Variants in PIAS2 observed in about 807,000 individuals in gnomAD.
PIAS2 encodes the protein E3 SUMO-protein ligase PIAS2.
Under a neutral mutation model 69.7 loss-of-function variants are expected in PIAS2, and 19 were observed. The ratio of observed to expected loss-of-function variants is 0.27; its 90% confidence interval spans 0.19 to 0.40. PIAS2 has a LOEUF of 0.40. PIAS2 is among the 10% of genes least tolerant of loss of function. The pLI, the probability that PIAS2 is intolerant of heterozygous loss-of-function variation, is 1.00. For synonymous variants in PIAS2, 261 were observed against 263.2 expected (o/e 0.99, Z 0.08); for missense variants, 624 against 757.0 (o/e 0.82, Z 2.06).
intron 12 of PIAS2, 38 bp downstream of exon 12, chr18:46,820,895 T>G (rs1463824034): frequency 6.4e-7 from 1 of 1,571,166 alleles, no homozygotes; most frequent in Non-Finnish European, 8.6e-7. Flanking sequence ...AAATAAACTT[T>G]CATTAAAAAA....
At chr18:46,896,165 C>CAAAAAAAAAAAAAAAAAAAAATA (rs1199712335) in intron 1 of PIAS2, among the ~76,000 whole-genome samples, 2 of 31,952 alleles carry the variant, frequency 6.3e-5, no homozygotes, top group Non-Finnish European at 1.2e-4. Flanking sequence ...AAGAAAAAAG[C>CAAAAAAAAAAAAAAAAAAAAATA]AAAAAAAAAA....
chr18:46,865,196 T>C (rs72909181), intron 2 of PIAS2, among the ~76,000 whole-genome samples: 1 of 152,132 alleles, frequency 6.6e-6, no homozygotes, highest in Non-Finnish European at 1.5e-5. Context: ...TTAATATATA[T>C]AGAGGCCTCA....
At chr18:46,908,745 A>G (rs996998030) in intron 1 of PIAS2, among the ~76,000 whole-genome samples, 1 of 152,220 alleles carries the variant, frequency 6.6e-6, no homozygotes, top group African/African-American at 2.4e-5. Flanking sequence ...GCAGTTGCTC[A>G]TGCCTATAAT....
At chr18:46,834,229 T>C (rs998838201) in intron 9 of PIAS2, among the ~76,000 whole-genome samples, 7 of 151,938 alleles carry the variant, frequency 4.6e-5, no homozygotes, top group Non-Finnish European at 1.0e-4. Context: ...TCTACAACTT[T>C]CTAAACACTT....
intron 5 of PIAS2, among the ~76,000 whole-genome samples, chr18:46,854,201 C>A (rs1005150246): frequency 3.3e-5 from 5 of 152,208 alleles, no homozygotes; most frequent in African/African-American, 4.8e-5. Flanking sequence ...CAATTCTTAG[C>A]ACTTGGCTCT....
intron 2 of PIAS2, among the ~76,000 whole-genome samples, chr18:46,867,965 G>T (rs1237447928): frequency 6.6e-6 from 1 of 152,182 alleles, no homozygotes; most frequent in Non-Finnish European, 1.5e-5. Flanking sequence ...TAGACCACAT[G>T]AAGAAGCCAC....
At chr18:46,816,830 A>G (rs1177824280) in intron 12 of PIAS2, 3 of 984,048 alleles carry the variant, frequency 3.0e-6, no homozygotes, top group Non-Finnish European at 3.6e-6. Flanking sequence ...TTGAGCCAAT[A>G]CTAAACCAAA....
chr18:46,889,196 A>G (rs1345132926), intron 2 of PIAS2, among the ~76,000 whole-genome samples: 1 of 152,240 alleles, frequency 6.6e-6, no homozygotes, highest in Non-Finnish European at 1.5e-5. Context: ...TGGATATGAC[A>G]CCAAAGGCAT....
At chr18:46,876,022 G>A (rs1454495405) in intron 2 of PIAS2, among the ~76,000 whole-genome samples, 2 of 152,176 alleles carry the variant, frequency 1.3e-5, no homozygotes, top group Non-Finnish European at 2.9e-5. Context: ...AGCATTTCTT[G>A]GAGACCTAAA....
rs1488045901 is a variant in PIAS2, at chr18:46,810,422, CAAT to C, written c.*2008_*2010del. On this transcript the variant is annotated 3_prime_UTR_variant, in exon 14 of 14. Transcript: ENST00000585916. ...AGTTTTTTCTATCTGATTACAGAGT[CAAT>C]AAATATTGCATCTGTATTTAGAGCA... 5 of 152,038 alleles carry C rather than the reference CAAT, an allele frequency of 3.3e-5. No individual in the cohort carries two copies. Among genetic ancestry groups the C allele is most frequent in the Non-Finnish European group, 5.9e-5 (4 of 68,026 alleles). The allele number at this position is 152,038 out of a possible 1,614,324, so 9.4% of individuals were successfully genotyped here. A position where few individuals can be genotyped will look rare whatever the true frequency, so the allele number is the denominator to read the frequency against.
intron 2 of PIAS2, among the ~76,000 whole-genome samples, chr18:46,880,109 A>T (rs2051962380): frequency 6.6e-6 from 1 of 150,992 alleles, no homozygotes; most frequent in African/African-American, 2.4e-5. Context: ...AAAAAAAAAA[A>T]TTGGGGATGG....
intron 1 of PIAS2, among the ~76,000 whole-genome samples, chr18:46,902,219 T>C (rs547478400): frequency 9.3e-5 from 14 of 149,886 alleles, no homozygotes; most frequent in South Asian, 6.4e-4. Context: ...ACAGGACTTA[T>C]ATGCTGAAAG....
intron 2 of PIAS2, among the ~76,000 whole-genome samples, chr18:46,882,511 A>T (rs556129913): frequency 2.5e-4 from 38 of 152,332 alleles, no homozygotes; most frequent in African/African-American, 8.4e-4. Flanking sequence ...TTGACCCAAC[A>T]ACTTCACATC....
rs1159011124 is a variant in PIAS2 at position 46,854,235 on chromosome 18, T to C, written c.726+1110A>G. 3.9e-5 allele frequency among the ~76,000 whole-genome samples: 6 copies of C among 152,152 alleles called. No homozygotes were observed. The South Asian group carries it at 1.0e-3, about 26-fold the overall frequency. ...CTGGAGAGCCCAGAGTCCTAGATCA[T>C]ATTGTCTGACTTGCTTGGCTACTCG... On this transcript the variant is annotated intron_variant, in intron 5 of 13. Transcript: ENST00000585916.
chr18:46,841,969 C>A (rs990164952), intron 8 of PIAS2, among the ~76,000 whole-genome samples: 3 of 152,118 alleles, frequency 2.0e-5, no homozygotes, highest in African/African-American at 7.2e-5. Context: ...TGGCTCATGC[C>A]TGTAATCCCA....
chr18:46,822,032 T>C lies in PIAS2; in HGVS notation c.1509-960A>G, dbSNP rs569940452. 3.4e-3 allele frequency among the ~76,000 whole-genome samples: 518 copies of C among 152,308 alleles called. 1 individual carries two copies. The highest frequency in any genetic ancestry group is 0.01 in the Middle Eastern group (3 of 294). ...TGAGCACTGTTACTGGTCTTATGGT[T>C]GATGGTGGGAACCATGGTCACAAAG... is the stretch of plus-strand genomic sequence containing the variant. On this transcript the variant is annotated intron_variant, in intron 11 of 13. Coordinates refer to ENST00000585916, the MANE Select transcript of PIAS2 (RefSeq NM_004671.5).
At chr18:46,858,788 T>C (rs1193353065) in intron 3 of PIAS2, among the ~76,000 whole-genome samples, 1 of 152,074 alleles carries the variant, frequency 6.6e-6, no homozygotes, top group East Asian at 1.9e-4. Flanking sequence ...TGGTAAGACT[T>C]GATGAATGAC....
At chr18:46,898,339 G>T (rs2055230002) in intron 1 of PIAS2, among the ~76,000 whole-genome samples, 1 of 151,340 alleles carries the variant, frequency 6.6e-6, no homozygotes, top group Non-Finnish European at 1.5e-5. Context: ...TAGAGACAGG[G>T]TTGCCATGTT....
intron 2 of PIAS2, among the ~76,000 whole-genome samples, chr18:46,884,979 T>C (rs1250438011): frequency 4.0e-5 from 6 of 151,848 alleles, no homozygotes; most frequent in Admixed American, 2.0e-4. Context: ...CACATCAGGA[T>C]GGTTATTTAA....
Sources: gnomAD v4.1 joint callset for allele counts (sites outside exome capture counted in the v4.1 genomes callset) on GRCh38, gnomAD v4.1.1 for gene constraint, MANE v1.5 for transcripts, NCBI Gene and HGNC (gene_info 2026-07-23, HGNC 2026-07-21) for gene names.